OCLN: variants seen among roughly 807,000 people sequenced by gnomAD.
OCLN encodes occludin.
Under a neutral mutation model 47.9 loss-of-function variants are expected in OCLN, and 21 were observed. The ratio of observed to expected loss-of-function variants is 0.44; its 90% CI spans 0.31 to 0.63. OCLN has a LOEUF of 0.63. OCLN is among the 30% of genes least tolerant of loss of function. OCLN has a pLI of 0.08. For missense variants in OCLN, 360 were observed against 571.0 expected, an observed-to-expected ratio of 0.63 and a Z score of 3.77; for synonymous variants, 117 against 198.4, an observed-to-expected ratio of 0.59 and a Z score of 3.45.
chr5:69,512,348 C>T (rs537652976), intron 3 of OCLN, among the ~76,000 whole-genome samples: 1 of 152,236 alleles, frequency 6.6e-6, no homozygotes, highest in East Asian at 1.9e-4. Context: ...ATGCCTTTGT[C>T]AAAAATGAAT....
At chr5:69,510,693 G>T (rs1018278408) in intron 3 of OCLN, among the ~76,000 whole-genome samples, 1 of 151,994 alleles carries the variant, frequency 6.6e-6, no homozygotes, top group Non-Finnish European at 1.5e-5. Context: ...CAAAAAAAAA[G>T]AATCATGCTA....
intron 1 of OCLN, among the ~76,000 whole-genome samples, chr5:69,496,915 C>CATAAGTTCCTGTAGGTG (rs1768309107): frequency 6.6e-6 from 1 of 152,210 alleles, no homozygotes; most frequent in South Asian, 2.1e-4. Flanking sequence ...ACTCTCCTGA[C>CATAAGTTCCTGTAGGTG]ATAAGTTCCT....
chr5:69,517,350 G>A (rs533868162), intron 4 of OCLN, among the ~76,000 whole-genome samples: 5 of 146,794 alleles, frequency 3.4e-5, no homozygotes, highest in South Asian at 4.3e-4. Context: ...TGGCTCTGTC[G>A]TTCAGGCTGG....
chr5:69,514,655 T>C (rs777251882), intron 4 of OCLN, among the ~76,000 whole-genome samples: 1 of 152,136 alleles, frequency 6.6e-6, no homozygotes, highest in East Asian at 1.9e-4. Flanking sequence ...GGTTTTCCTA[T>C]GCAGAGGACC....
chr5:69,521,188 C>T (rs1190962237), intron 4 of OCLN, among the ~76,000 whole-genome samples: 1 of 152,194 alleles, frequency 6.6e-6, no homozygotes, highest in East Asian at 1.9e-4. Flanking sequence ...AAAATAGGAT[C>T]ATAATGTACA....
intron 4 of OCLN, among the ~76,000 whole-genome samples, chr5:69,526,338 A>T (rs1340195183): frequency 6.6e-6 from 1 of 152,242 alleles, no homozygotes; most frequent in Non-Finnish European, 1.5e-5. Context: ...GACTTAGTAC[A>T]AAATACTGGA....
intron 4 of OCLN, among the ~76,000 whole-genome samples, chr5:69,515,001 G>A (rs1030857147): frequency 3.3e-5 from 5 of 151,928 alleles, no homozygotes; most frequent in African/African-American, 4.8e-5. Context: ...CCACAAAACC[G>A]CCATTGTCAT....
chr5:69,533,454 C>T (rs1030970768), intron 4 of OCLN, among the ~76,000 whole-genome samples: 2 of 152,120 alleles, frequency 1.3e-5, no homozygotes, highest in African/African-American at 4.8e-5. Context: ...AACGTTGTTA[C>T]ATCGTCGAGC....
intron 4 of OCLN, among the ~76,000 whole-genome samples, chr5:69,521,914 A>T (rs1461253276): frequency 1.3e-5 from 2 of 152,116 alleles, no homozygotes; most frequent in African/African-American, 4.8e-5. Flanking sequence ...TCCTGACTAG[A>T]GTTTTTTATA....
At chr5:69,502,228 A>G (rs1768480052) in intron 1 of OCLN, 1 of 152,130 alleles carries the variant, frequency 6.6e-6, no homozygotes, top group African/African-American at 2.4e-5. Flanking sequence ...CATTAATTTA[A>G]AAAAAAGTTT....
intron 5 of OCLN, among the ~76,000 whole-genome samples, chr5:69,536,365 A>G (rs1009097221): frequency 1.4e-5 from 2 of 140,880 alleles, no homozygotes; most frequent in Admixed American, 7.4e-5. Context: ...CTCTTTTGTA[A>G]TAACACTTAA....
chr5:69,517,365 C>G (rs972953256), intron 4 of OCLN, among the ~76,000 whole-genome samples: 1 of 149,546 alleles, frequency 6.7e-6, no homozygotes, highest in African/African-American at 2.5e-5. Flanking sequence ...GGCTGGAGTA[C>G]AGTGGTGCAA....
intron 2 of OCLN, among the ~76,000 whole-genome samples, chr5:69,505,224 T>G (rs1461066999): frequency 6.6e-6 from 1 of 152,098 alleles, no homozygotes; most frequent in Non-Finnish European, 1.5e-5. Flanking sequence ...CACTCTAGAC[T>G]GGGTGACAAG....
chr5:69,497,939 C>A (rs1002438960), intron 1 of OCLN, among the ~76,000 whole-genome samples: 4 of 151,502 alleles, frequency 2.6e-5, no homozygotes, highest in Non-Finnish European at 4.4e-5. Context: ...GAGACCATCC[C>A]GGCTAAAACG....
At chr5:69,495,920 C>G (rs950804732) in intron 1 of OCLN, among the ~76,000 whole-genome samples, 6 of 152,040 alleles carry the variant, frequency 3.9e-5, no homozygotes, top group African/African-American at 1.4e-4. Flanking sequence ...TGGATTGACA[C>G]CTTTATTGTA....
At chr5:69,519,458 T>G (rs948680440) in intron 4 of OCLN, among the ~76,000 whole-genome samples, 1 of 152,098 alleles carries the variant, frequency 6.6e-6, no homozygotes, top group African/African-American at 2.4e-5. Context: ...TTCTTAGGGC[T>G]TTTTTTCCCC....
intron 4 of OCLN, among the ~76,000 whole-genome samples, chr5:69,520,904 A>G (rs534793401): frequency 6.4e-4 from 97 of 152,078 alleles, no homozygotes; most frequent in Middle Eastern, 3.4e-3. Flanking sequence ...CTGGAGTGCA[A>G]TGGCGCAATC....
At chr5:69,532,246 T>A (rs778381402) in intron 4 of OCLN, among the ~76,000 whole-genome samples, 12 of 152,180 alleles carry the variant, frequency 7.9e-5, no homozygotes, top group Non-Finnish European at 1.8e-4. Flanking sequence ...TGTGTTTGTA[T>A]GTATTTGAGA....
chr5:69,517,094 G>GA (rs1167524746), intron 4 of OCLN, among the ~76,000 whole-genome samples: 2 of 151,948 alleles, frequency 1.3e-5, no homozygotes, highest in African/African-American at 4.8e-5. Flanking sequence ...TGTTTGGAGT[G>GA]AAACTTTTTC....
Sources: allele counts gnomAD v4.1 joint callset (sites outside exome capture counted in the v4.1 genomes callset), GRCh38; gene constraint gnomAD v4.1.1; transcripts MANE v1.5; gene names NCBI Gene and HGNC (gene_info 2026-07-23, HGNC 2026-07-21).